Variants in SEL1L2 observed in about 807,000 individuals in gnomAD.
SEL1L2 encodes SEL1L2 adaptor subunit of SYVN1 ubiquitin ligase.
A neutral mutation model predicts 98.8 loss-of-function variants in SEL1L2; 89 were observed. The observed-to-expected ratio is 0.90, with a 90% CI of 0.76 to 1.07. The LOEUF is 1.07. Ranked by LOEUF, SEL1L2 falls within the 50% of genes least tolerant of loss-of-function variation. The pLI, the probability that SEL1L2 is intolerant of heterozygous loss-of-function variation, is 0.00. For missense variants in SEL1L2, 788 were observed against 812.0 expected, an observed-to-expected ratio of 0.97 and a Z score of 0.36; for synonymous variants, 262 against 278.5, an observed-to-expected ratio of 0.94 and a Z score of 0.59.
intron 1 of SEL1L2, among the ~76,000 whole-genome samples, chr20:13,979,839 C>G (rs768112630): frequency 7.9e-5 from 12 of 151,982 alleles, no homozygotes; most frequent in Non-Finnish European, 7.4e-5. Flanking sequence ...GCATAAGCAA[C>G]AAAATGAAAA....
intron 5 of SEL1L2, among the ~76,000 whole-genome samples, chr20:13,896,501 A>G (rs956468134): frequency 1.3e-5 from 2 of 150,452 alleles, no homozygotes; most frequent in African/African-American, 4.9e-5. Context: ...AAATAAACAA[A>G]CAACTCCCCC....
intron 1 of SEL1L2, among the ~76,000 whole-genome samples, chr20:13,979,420 C>A (rs2051701542): frequency 6.6e-6 from 1 of 152,120 alleles, no homozygotes; most frequent in Non-Finnish European, 1.5e-5. Flanking sequence ...ATGTTTACAA[C>A]ACAAAGAAAT....
intron 15 of SEL1L2, among the ~76,000 whole-genome samples, chr20:13,866,250 C>A (rs1293360033): frequency 2.0e-5 from 3 of 152,188 alleles, no homozygotes; most frequent in African/African-American, 4.8e-5. Flanking sequence ...ATCACTGGCT[C>A]AGGCTGAAAG....
At chr20:13,954,563 A>G (rs1282234995) in intron 2 of SEL1L2, among the ~76,000 whole-genome samples, 4 of 152,060 alleles carry the variant, frequency 2.6e-5, no homozygotes, top group Admixed American at 1.3e-4. Flanking sequence ...GTTTTGTTTT[A>G]CTTTCTAATA....
Position 13,885,348 on chromosome 20 carries a change from T to C in SEL1L2, c.956A>G (p.Tyr319Cys), listed in dbSNP as rs780753171. Reference sequence around the variant, plus strand: ...GACTGGATCTTGAGATTGACTTACGTAGTAATCCTGATCTAGACCTTTCCT... The same window carrying C: ...GACTGGATCTTGAGATTGACTTACGCAGTAATCCTGATCTAGACCTTTCCT... ...IGRKGLDQDY[Y>C]KALHYFLKAA... is the part of the protein sequence containing the mutation. Residue 319 changes from tyrosine (Y) to cysteine (C), a missense_variant and splice_region_variant, in exon 10 of 20, where the codon TAC (tyrosine) becomes TGC (cysteine). By Grantham distance (194) the Tyr-to-Cys change is radical (BLOSUM62 -2). Coordinates refer to ENST00000284951, the MANE Select transcript of SEL1L2 (RefSeq NM_025229.2). 1 of 1,589,504 alleles carries C rather than the reference T, an allele frequency of 6.3e-7. No homozygotes were observed. Among genetic ancestry groups the C allele is most frequent in the Admixed American group, 1.7e-5 (1 of 59,988 alleles).
intron 1 of SEL1L2, among the ~76,000 whole-genome samples, chr20:13,963,855 C>T (rs2050898705): frequency 6.6e-6 from 1 of 152,054 alleles, no homozygotes; most frequent in Non-Finnish European, 1.5e-5. Context: ...GGCAGTCCAC[C>T]TTCTATATGC....
At chr20:13,861,294 G>A (rs1990096245) in intron 17 of SEL1L2, among the ~76,000 whole-genome samples, 1 of 151,846 alleles carries the variant, frequency 6.6e-6, no homozygotes, top group South Asian at 2.1e-4. Flanking sequence ...TCCTACCCCA[G>A]TCTCCTGAGT....
Position 13,859,434 on chromosome 20 carries a change from C to T in SEL1L2, c.1646G>A (p.Gly549Asp), listed in dbSNP as rs1167803872. ...LLLWNRAAIQ[G>D]NAFARVKIGD... is the part of the protein sequence containing the mutation. Reference sequence around the variant, plus strand: ...AATTTTTACTCTAGCAAATGCATTGCCTGATAGAAATATTAGAGAAAAAAG... The same window carrying T: ...AATTTTTACTCTAGCAAATGCATTGTCTGATAGAAATATTAGAGAAAAAAG... The change falls in exon 18 of 20, where the codon GGC becomes GAC. Residue 549 changes from glycine (G) to aspartate (D), a missense_variant and splice_region_variant. Gly to Asp is a moderately conservative substitution (Grantham distance 94, BLOSUM62 -1). Coordinates refer to ENST00000284951, the MANE Select transcript of SEL1L2 (RefSeq NM_025229.2). 1.2e-6 allele frequency: 2 copies of T among 1,610,018 alleles called. No homozygotes were observed. The highest frequency in any genetic ancestry group is 1.1e-5 in the South Asian group (1 of 90,872).
rs376497324 is a variant in SEL1L2 at position 13,976,235 on chromosome 20, C to T, written c.58+14242G>A. Among the ~76,000 whole-genome samples the T allele has an allele frequency of 5.9e-4, 90 of 151,836 alleles. No individual in the cohort carries two copies. The Middle Eastern group carries it at 0.014, about 23-fold the overall frequency. ...CAGGCTGGTCTCGATCTCCTGACCTCGTGATCCACCGGCCTCGGCCTCCCA... is the reference window on the plus strand; with the variant it reads ...CAGGCTGGTCTCGATCTCCTGACCTTGTGATCCACCGGCCTCGGCCTCCCA... On this transcript the variant is annotated intron_variant, in intron 1 of 19. Transcript: ENST00000284951.
intron 11 of SEL1L2, among the ~76,000 whole-genome samples, chr20:13,876,846 C>T (rs6042407): frequency 0.092 from 13,982 of 152,112 alleles, 751 homozygotes; most frequent in African/African-American, 0.15. Context: ...TTTTTGGAGA[C>T]GGAGTCTCCC....
At chr20:13,880,108 T>A (rs2046625781) in intron 10 of SEL1L2, among the ~76,000 whole-genome samples, 1 of 152,262 alleles carries the variant, frequency 6.6e-6, no homozygotes, top group Non-Finnish European at 1.5e-5. Flanking sequence ...TGAATAAATG[T>A]ATGAATGTCT....
At chr20:13,962,791 C>G (rs1161342854) in intron 1 of SEL1L2, among the ~76,000 whole-genome samples, 1 of 152,142 alleles carries the variant, frequency 6.6e-6, no homozygotes, top group Admixed American at 6.6e-5. Flanking sequence ...ATCGACCAGG[C>G]ACAATGGCTC....
intron 1 of SEL1L2, among the ~76,000 whole-genome samples, chr20:13,964,638 G>C (rs2050955938): frequency 6.6e-6 from 1 of 151,790 alleles, no homozygotes; most frequent in African/African-American, 2.4e-5. Context: ...TTTTAGTAGA[G>C]ACGGGGTTTC....
chr20:13,990,490 C>G lies in SEL1L2; in HGVS notation c.45G>C (p.Gly15=). 6.2e-7 allele frequency: 1 copy of G among 1,611,968 alleles called. No homozygotes were observed. Among genetic ancestry groups the G allele is most frequent in the Non-Finnish European group, 8.5e-7 (1 of 1,178,428 alleles). Residue 15 remains glycine, a synonymous_variant, in exon 1 of 20, where the codon GGG becomes GGC. Transcript: ENST00000284951. The part of the protein sequence containing the change: ...SLLIEILIIL[G]VTIKTIKAEE... ...AAAAAAACTTACTTTTAATTGTGAC[C>G]CCAAGAATTATCAATATCTCTATTA...
At chr20:13,850,416 C>A in intron 18 of SEL1L2, 97 bp from the exon 19 acceptor site, 1 of 1,332,848 alleles carries the variant, frequency 7.5e-7, no homozygotes. Flanking sequence ...GGTTACAGGT[C>A]TTAAGATAGG....
chr20:13,886,772 C>G (rs2046974854), intron 8 of SEL1L2, among the ~76,000 whole-genome samples: 1 of 151,734 alleles, frequency 6.6e-6, no homozygotes, highest in Admixed American at 6.6e-5. Context: ...CCTGTAATCC[C>G]AGATACCTGG....
chr20:13,895,082 C>T (rs1469022015), intron 5 of SEL1L2, among the ~76,000 whole-genome samples: 2 of 152,080 alleles, frequency 1.3e-5, no homozygotes, highest in African/African-American at 4.8e-5. Context: ...ATTCATGGCA[C>T]ATTAAAAGGA....
At chr20:13,994,432 T>C (rs2148600655), upstream of SEL1L2, among the ~76,000 whole-genome samples, 1 of 152,276 alleles carries the variant, frequency 6.6e-6, no homozygotes, top group Admixed American at 6.5e-5. Flanking sequence ...CCTTTCTTCC[T>C]TTTCTCTTCT....
chr20:13,943,362 T>G (rs2049865941), intron 2 of SEL1L2, among the ~76,000 whole-genome samples: 1 of 152,198 alleles, frequency 6.6e-6, no homozygotes, highest in Non-Finnish European at 1.5e-5. Flanking sequence ...TGATACTTAC[T>G]GGAGTCTGTA....
Sources: allele counts gnomAD v4.1 joint callset (sites outside exome capture counted in the v4.1 genomes callset), GRCh38; gene constraint gnomAD v4.1.1; transcripts MANE v1.5; gene names NCBI Gene and HGNC (gene_info 2026-07-23, HGNC 2026-07-21).